The following HDAC9 variants were observed in gnomAD, a reference collection of about 807,000 sequenced individuals.
HDAC9 encodes the protein histone deacetylase 9.
HDAC9 carries 41 observed loss-of-function variants against 139.4 expected under a neutral mutation model. That is an observed-to-expected ratio of 0.29 (90% confidence interval 0.23 to 0.38). The LOEUF is 0.38. HDAC9 is among the 10% of genes least tolerant of loss of function. The probability of loss-of-function intolerance (pLI) is 1.00; values close to 1 mark genes in which losing one functional copy is unlikely to be tolerated. For synonymous variants in HDAC9, 517 were observed against 476.2 expected, an observed-to-expected ratio of 1.09 and a Z score of -1.12; for missense variants, 1,147 against 1,297.0, an observed-to-expected ratio of 0.88 and a Z score of 1.78.
chr7:18,469,784 A>G (rs1794587673), intron 1 of HDAC9, among the ~76,000 whole-genome samples: 1 of 152,136 alleles, frequency 6.6e-6, no homozygotes, highest in Non-Finnish European at 1.5e-5. Context: ...TTAGCAGGGG[A>G]ACTCAGATCT....
chr7:18,348,252 AG>A (rs908808551), intron 1 of HDAC9, among the ~76,000 whole-genome samples: 6 of 152,226 alleles, frequency 3.9e-5, no homozygotes, highest in African/African-American at 1.4e-4. Flanking sequence ...TCAGCGATTA[AG>A]AGGTAAGATA....
chr7:18,111,100 G>A (rs1783588578), intron 1 of HDAC9, among the ~76,000 whole-genome samples: 1 of 152,176 alleles, frequency 6.6e-6, no homozygotes, highest in African/African-American at 2.4e-5. Context: ...CTGAGGATGT[G>A]GCAAGAAAAG....
intron 2 of HDAC9, among the ~76,000 whole-genome samples, chr7:18,535,361 A>T (rs1810521560): frequency 6.6e-6 from 1 of 152,008 alleles, no homozygotes; most frequent in African/African-American, 2.4e-5. Flanking sequence ...TATTATTTAT[A>T]ATATGAAATA....
At chr7:18,103,958 G>A (rs1244907592) in intron 1 of HDAC9, among the ~76,000 whole-genome samples, 1 of 152,172 alleles carries the variant, frequency 6.6e-6, no homozygotes, top group Non-Finnish European at 1.5e-5. Flanking sequence ...CACCAGTTGG[G>A]AACCAGCCCC....
intron 1 of HDAC9, among the ~76,000 whole-genome samples, chr7:18,135,506 T>C (rs1409850022): frequency 3.0e-5 from 4 of 131,716 alleles, no homozygotes; most frequent in Admixed American, 8.2e-5. Context: ...CCTGTGTCCA[T>C]GTGATCTCAT....
At chr7:18,811,216 T>C (rs1402966425) in intron 17 of HDAC9, among the ~76,000 whole-genome samples, 1 of 151,812 alleles carries the variant, frequency 6.6e-6, no homozygotes, top group Non-Finnish European at 1.5e-5. Context: ...TTGTTAATAT[T>C]CGTTACTTTT....
At chr7:18,649,234 T>C (rs1415002251) in intron 11 of HDAC9, among the ~76,000 whole-genome samples, 1 of 152,216 alleles carries the variant, frequency 6.6e-6, no homozygotes, top group African/African-American at 2.4e-5. Flanking sequence ...AGCGGATGTC[T>C]GTACCGTACC....
At chr7:18,852,360 A>G (rs1272549474) in intron 21 of HDAC9, among the ~76,000 whole-genome samples, 1 of 152,214 alleles carries the variant, frequency 6.6e-6, no homozygotes, top group African/African-American at 2.4e-5. Context: ...TGGCATGTCC[A>G]GGAACTTGAG....
chr7:18,339,493 T>G (rs1395845118), intron 1 of HDAC9, among the ~76,000 whole-genome samples: 1 of 151,426 alleles, frequency 6.6e-6, no homozygotes, highest in Non-Finnish European at 1.5e-5. Flanking sequence ...TTTAAAAAAT[T>G]AAAAAAGAAT....
At chr7:18,850,448 C>G (rs763410702) in intron 21 of HDAC9, among the ~76,000 whole-genome samples, 1 of 152,186 alleles carries the variant, frequency 6.6e-6, no homozygotes, top group African/African-American at 2.4e-5. Flanking sequence ...AATAAACCTA[C>G]AGAATGCTTT....
At chr7:18,569,818 A>C (rs1465010172) in intron 2 of HDAC9, among the ~76,000 whole-genome samples, 1 of 152,052 alleles carries the variant, frequency 6.6e-6, no homozygotes, top group African/African-American at 2.4e-5. Context: ...GTTGTGCCTT[A>C]ATGGCCAGTA....
chr7:18,839,117 A>G (rs1367852576), intron 21 of HDAC9, among the ~76,000 whole-genome samples: 1 of 152,082 alleles, frequency 6.6e-6, no homozygotes, highest in Non-Finnish European at 1.5e-5. Flanking sequence ...AATTCTTAAA[A>G]TATTCAGTAT....
intron 1 of HDAC9, among the ~76,000 whole-genome samples, chr7:18,137,791 C>G (rs1376474437): frequency 2.0e-5 from 3 of 152,266 alleles, no homozygotes; most frequent in African/African-American, 7.2e-5. Context: ...CTCTGCCCGG[C>G]TTTGGAATCA....
intron 16 of HDAC9, among the ~76,000 whole-genome samples, chr7:18,792,280 A>G (rs1485508014): frequency 6.6e-6 from 1 of 151,266 alleles, no homozygotes; most frequent in African/African-American, 2.4e-5. Flanking sequence ...AAAAAAAAAA[A>G]AAAGCTTTGT....
intron 2 of HDAC9, among the ~76,000 whole-genome samples, chr7:18,574,805 A>G (rs1018810061): frequency 6.6e-6 from 1 of 152,248 alleles, no homozygotes; most frequent in Non-Finnish European, 1.5e-5. Flanking sequence ...CTTCAAAATC[A>G]GAGCGAGTGC....
intron 24 of HDAC9, among the ~76,000 whole-genome samples, chr7:18,958,427 T>C (rs1156840478): frequency 1.3e-5 from 2 of 152,180 alleles, no homozygotes; most frequent in Non-Finnish European, 2.9e-5. Flanking sequence ...ATGTACTTTG[T>C]GGCACTATTC....
intron 2 of HDAC9, among the ~76,000 whole-genome samples, chr7:18,224,950 T>G (rs1792955310): frequency 6.6e-6 from 1 of 151,882 alleles, no homozygotes; most frequent in African/African-American, 2.4e-5. Flanking sequence ...GGCAAGACAG[T>G]AGAAAAATGC....
Position 19,002,129 on chromosome 7 carries a change from T to G in HDAC9, c.*6067T>G, listed in dbSNP as rs1022300769. 2 of 152,108 alleles carry G rather than the reference T, an allele frequency of 1.3e-5. No individual in the cohort carries two copies. The highest frequency in any genetic ancestry group is 2.4e-5 in the African/African-American group (1 of 41,434). 9.4% of individuals were successfully genotyped at this position (152,108 alleles called of 1,614,324 possible). The stretch of plus-strand genomic sequence containing the variant: ...AAAATACATGTTGCCAAACTTTTCT[T>G]AAAATTGTGCTGCCAGTGGTATTTT... On this transcript the variant is annotated 3_prime_UTR_variant, in exon 26 of 26. Coordinates refer to ENST00000686413, the MANE Select transcript of HDAC9 (RefSeq NM_178425.4).
At chr7:18,986,979 G>C (rs1374350577) in intron 25 of HDAC9, among the ~76,000 whole-genome samples, 1 of 152,110 alleles carries the variant, frequency 6.6e-6, no homozygotes, top group East Asian at 1.9e-4. Context: ...TGAGAGAATG[G>C]GGTTTTCTAG....
Sources: allele counts gnomAD v4.1 joint callset (sites outside exome capture counted in the v4.1 genomes callset), GRCh38; gene constraint gnomAD v4.1.1; transcripts MANE v1.5; gene names NCBI Gene and HGNC (gene_info 2026-07-23, HGNC 2026-07-21).